SDK1: variants seen among roughly 807,000 people sequenced by gnomAD.
SDK1 encodes the protein sidekick cell adhesion molecule 1.
In SDK1, 157 loss-of-function variants were observed where a neutral mutation model predicts 245.5. The observed-to-expected ratio is 0.64, with a 90% CI of 0.56 to 0.73. SDK1 has a LOEUF of 0.73. SDK1 is among the 30% of genes least tolerant of loss of function. The pLI is 0.00. For missense variants in SDK1, 3,583 were observed against 3,002.3 expected (o/e 1.19, Z -4.52); for synonymous variants, 1,647 against 1,278.5 (o/e 1.29, Z -6.15).
intron 5 of SDK1, among the ~76,000 whole-genome samples, chr7:3,909,849 A>T (rs904927987): frequency 2.6e-5 from 4 of 152,214 alleles, no homozygotes; most frequent in Non-Finnish European, 5.9e-5. Context: ...TTTTTGAATA[A>T]AAGTTAAATA....
intron 4 of SDK1, among the ~76,000 whole-genome samples, chr7:3,769,802 A>G (rs893353285): frequency 6.6e-6 from 1 of 151,890 alleles, no homozygotes; most frequent in African/African-American, 2.4e-5. Flanking sequence ...AAGGAAGGTA[A>G]CGTTCTTTGT....
At chr7:3,786,525 A>G (rs1481317787) in intron 4 of SDK1, among the ~76,000 whole-genome samples, 1 of 152,198 alleles carries the variant, frequency 6.6e-6, no homozygotes, top group Non-Finnish European at 1.5e-5. Context: ...ATACTCTTAT[A>G]AGCCTCTCCA....
intron 38 of SDK1, among the ~76,000 whole-genome samples, chr7:4,219,335 A>G (rs1785008198): frequency 6.6e-6 from 1 of 152,208 alleles, no homozygotes. Context: ...CACACTGCTA[A>G]TAAAGACATA....
intron 5 of SDK1, among the ~76,000 whole-genome samples, chr7:3,940,921 T>G (rs1026986490): frequency 3.9e-5 from 6 of 151,992 alleles, no homozygotes; most frequent in African/African-American, 7.2e-5. Context: ...CCTCTTGATC[T>G]CCTACTTTCA....
At chr7:3,849,714 C>G (rs941584355) in intron 5 of SDK1, among the ~76,000 whole-genome samples, 4 of 152,136 alleles carry the variant, frequency 2.6e-5, no homozygotes, top group African/African-American at 7.2e-5. Context: ...TGGAATGTTG[C>G]TGATAGCTGG....
At chr7:3,939,653 G>T (rs1780284581) in intron 5 of SDK1, among the ~76,000 whole-genome samples, 1 of 152,074 alleles carries the variant, frequency 6.6e-6, no homozygotes, top group Non-Finnish European at 1.5e-5. Flanking sequence ...TAATGTATCT[G>T]GGTTCTTGGA....
At chr7:4,201,686 C>T (rs964078759) in intron 35 of SDK1, among the ~76,000 whole-genome samples, 3 of 151,470 alleles carry the variant, frequency 2.0e-5, no homozygotes, top group Non-Finnish European at 2.9e-5. Context: ...CGTGGCACAG[C>T]GTGGCTCTAG....
intron 1 of SDK1, among the ~76,000 whole-genome samples, chr7:3,364,512 T>C (rs1781035230): frequency 6.6e-6 from 1 of 152,224 alleles, no homozygotes; most frequent in Non-Finnish European, 1.5e-5. Context: ...ATGCAATTGC[T>C]CCTGCACCAT....
chr7:3,651,247 T>G (rs1483297010), intron 4 of SDK1, among the ~76,000 whole-genome samples: 1 of 152,148 alleles, frequency 6.6e-6, no homozygotes, highest in Non-Finnish European at 1.5e-5. Context: ...CATTTGGTGT[T>G]GTCATGATTT....
chr7:4,006,788 G>C (rs1379697062), intron 14 of SDK1, among the ~76,000 whole-genome samples: 1 of 152,206 alleles, frequency 6.6e-6, no homozygotes, highest in African/African-American at 2.4e-5. Context: ...AATAGGCCCT[G>C]TTGTCAAATC....
chr7:3,882,731 T>C lies in SDK1; in HGVS notation c.847+61148T>C, dbSNP rs529405949. ...CACTATTTACAAATGAGCCTTCTTTTTTTTTTTAAAAGCCAACTTGGCAGG... is the reference window on the plus strand; with the variant it reads ...CACTATTTACAAATGAGCCTTCTTTCTTTTTTTAAAAGCCAACTTGGCAGG... On this transcript the variant is annotated intron_variant, in intron 5 of 44. Transcript: ENST00000404826. Among the ~76,000 whole-genome samples, 9 of 152,332 alleles carry C rather than the reference T, an allele frequency of 5.9e-5. 2 individuals are homozygous for C. Among genetic ancestry groups the C allele is most frequent in the African/African-American group, 2.2e-4 (9 of 41,574 alleles).
chr7:4,212,498 C>G (rs1294299611), intron 38 of SDK1, among the ~76,000 whole-genome samples: 1 of 152,120 alleles, frequency 6.6e-6, no homozygotes, highest in East Asian at 1.9e-4. Context: ...GTTTTTGAAC[C>G]AGCAGAGAGG....
intron 5 of SDK1, among the ~76,000 whole-genome samples, chr7:3,827,388 G>GTGTCTTAC (rs149674670): frequency 0.023 from 3,561 of 152,220 alleles, 141 homozygotes; most frequent in African/African-American, 0.08. Context: ...TGGAAGGCTC[G>GTGTCTTAC]TGTCTTACTC....
intron 4 of SDK1, among the ~76,000 whole-genome samples, chr7:3,761,341 A>G: frequency 6.9e-6 from 1 of 144,270 alleles, no homozygotes; most frequent in Non-Finnish European, 1.5e-5. Context: ...GTGAATTCAC[A>G]TGCCATTTCA....
chr7:3,617,731 A>T (rs78433864), intron 1 of SDK1, among the ~76,000 whole-genome samples: 2 of 152,110 alleles, frequency 1.3e-5, no homozygotes, highest in Non-Finnish European at 2.9e-5. Flanking sequence ...CTCTCCCTTG[A>T]TAACTAACTC....
chr7:3,420,816 A>G (rs1779514537), intron 1 of SDK1, among the ~76,000 whole-genome samples: 2 of 152,182 alleles, frequency 1.3e-5, no homozygotes, highest in Admixed American at 6.5e-5. Flanking sequence ...ATAGATAAAC[A>G]TGTACCATGG....
At chr7:3,637,086 C>CGCGT (rs1052777325) in intron 2 of SDK1, among the ~76,000 whole-genome samples, 37 of 148,352 alleles carry the variant, frequency 2.5e-4, no homozygotes, top group Admixed American at 3.4e-4. Context: ...TGCGTGCGCG[C>CGCGT]GTGTGTGTGT....
At chr7:3,933,599 C>T (rs1001387084) in intron 5 of SDK1, among the ~76,000 whole-genome samples, 3 of 152,114 alleles carry the variant, frequency 2.0e-5, no homozygotes, top group African/African-American at 7.2e-5. Context: ...AGTTCATGCT[C>T]CTCAAACTTG....
chr7:3,515,937 T>C (rs1020164024), intron 1 of SDK1, among the ~76,000 whole-genome samples: 1 of 152,160 alleles, frequency 6.6e-6, no homozygotes, highest in Non-Finnish European at 1.5e-5. Flanking sequence ...TTTTGACCTT[T>C]GAAAATGTTC....
Sources: gnomAD v4.1 joint callset for allele counts (sites outside exome capture counted in the v4.1 genomes callset) on GRCh38, gnomAD v4.1.1 for gene constraint, MANE v1.5 for transcripts, NCBI Gene and HGNC (gene_info 2026-07-23, HGNC 2026-07-21) for gene names.